Variants in AJAP1 observed in about 807,000 individuals in gnomAD.
AJAP1 encodes the protein adherens junction-associated protein 1.
AJAP1 carries 5 observed loss-of-function variants against 35.0 expected under a neutral mutation model. That is an observed-to-expected ratio of 0.14 (90% CI 0.07 to 0.30). The LOEUF (loss-of-function observed/expected upper bound fraction) is 0.30, where lower values mean the gene tolerates loss of function less well. Ranked by LOEUF, AJAP1 falls within the 10% of genes least tolerant of loss-of-function variation. The pLI is 1.00. For missense variants in AJAP1, 586 were observed against 571.0 expected, an observed-to-expected ratio of 1.03 and a Z score of -0.27; for synonymous variants, 284 against 249.3, an observed-to-expected ratio of 1.14 and a Z score of -1.31.
chr1:4,764,859 G>A (rs1024555004), intron 2 of AJAP1, among the ~76,000 whole-genome samples: 8 of 152,248 alleles, frequency 5.3e-5, no homozygotes, highest in African/African-American at 9.6e-5. Flanking sequence ...ACAATGGCCC[G>A]TATTTGATTC....
At chr1:4,750,320 C>A (rs1641293686) in intron 2 of AJAP1, among the ~76,000 whole-genome samples, 1 of 152,240 alleles carries the variant, frequency 6.6e-6, no homozygotes, top group South Asian at 2.1e-4. Context: ...ATACTTCTCG[C>A]TGCCAATGCT....
rs1640263846 is a variant in AJAP1 at position 4,712,149 on chromosome 1, G to A, written c.279G>A (p.Met93Ile). The A allele has an allele frequency of 1.3e-6, 2 of 1,564,454 alleles. No individual in the cohort carries two copies. The highest frequency in any genetic ancestry group is 1.7e-6 in the Non-Finnish European group (2 of 1,161,240). ...PPRVERIHGQ[M>I]QMPRARRAHR... ...GAGTGGAGCGGATCCACGGGCAGAT[G>A]CAGATGCCTCGAGCCAGACGGGCCC... The change falls in exon 2 of 6, where the codon ATG (methionine) becomes ATA (isoleucine). Residue 93 changes from methionine to isoleucine, a missense_variant. Met to Ile is a conservative substitution (Grantham distance 10, BLOSUM62 1). Coordinates refer to ENST00000378191, the MANE Select transcript of AJAP1 (RefSeq NM_018836.4).
chr1:4,663,786 A>C (rs1334533531), intron 1 of AJAP1, among the ~76,000 whole-genome samples: 1 of 152,096 alleles, frequency 6.6e-6, no homozygotes, highest in Non-Finnish European at 1.5e-5. Flanking sequence ...CTCTGTGTAG[A>C]GAAGGATTCT....
At chr1:4,683,265 C>A (rs1639528203) in intron 1 of AJAP1, among the ~76,000 whole-genome samples, 2 of 152,254 alleles carry the variant, frequency 1.3e-5, no homozygotes, top group African/African-American at 4.8e-5. Flanking sequence ...TGGCACTGGG[C>A]CTGCCCAGAG....
At chr1:4,728,590 T>C (rs1056657246) in intron 2 of AJAP1, among the ~76,000 whole-genome samples, 34 of 152,182 alleles carry the variant, frequency 2.2e-4, no homozygotes, top group Admixed American at 1.3e-4. Flanking sequence ...GAGTGGGCTG[T>C]GTCCGTGGGA....
chr1:4,748,215 C>A (rs1384915783), intron 2 of AJAP1, among the ~76,000 whole-genome samples: 1 of 152,138 alleles, frequency 6.6e-6, no homozygotes, highest in Non-Finnish European at 1.5e-5. Context: ...TTGACCCTCA[C>A]CCTGGAAGAG....
At position 4,655,526 on chromosome 1, in the gene AJAP1, T is replaced by C. The variant is rs1638858998; in HGVS notation, c.29+72T>C. 6.6e-6 allele frequency: 10 copies of C among 1,518,758 alleles called. No individual in the cohort carries two copies. The highest frequency in any genetic ancestry group is 4.3e-5 in the African/African-American group (3 of 69,496). The allele number at this position is 1,518,758 out of a possible 1,614,324, so 94.1% of individuals were successfully genotyped here. On this transcript the variant is annotated intron_variant, in intron 1 of 5. Transcript: ENST00000378191. The surrounding 1 kb of genome is among the most constrained non-coding windows in gnomAD (Gnocchi z 6.9). ...AGGCTGGGCGGAAGCGGCGCTTTCC[T>C]CTATGTTGCAAATCAAGGGACCCCT...
intron 1 of AJAP1, among the ~76,000 whole-genome samples, chr1:4,687,950 G>A (rs1455813016): frequency 2.6e-5 from 4 of 152,242 alleles, no homozygotes; most frequent in Non-Finnish European, 4.4e-5. Flanking sequence ...TGAGGAAGGG[G>A]CTGCAGTTCT....
intron 2 of AJAP1, among the ~76,000 whole-genome samples, chr1:4,757,317 A>G (rs746781126): frequency 5.9e-5 from 9 of 152,184 alleles, no homozygotes; most frequent in Non-Finnish European, 1.2e-4. Context: ...GCTCACTCAC[A>G]TGCCCCCGGG....
At chr1:4,667,392 C>T (rs573737245) in intron 1 of AJAP1, among the ~76,000 whole-genome samples, 5 of 152,324 alleles carry the variant, frequency 3.3e-5, no homozygotes, top group African/African-American at 1.2e-4. Flanking sequence ...GGGACCTTCT[C>T]ACCTTACAAC....
At chr1:4,738,143 G>T (rs556142308) in intron 2 of AJAP1, among the ~76,000 whole-genome samples, 1 of 152,182 alleles carries the variant, frequency 6.6e-6, no homozygotes, top group Non-Finnish European at 1.5e-5. Context: ...AGAGTAATGG[G>T]ACCCAAAGCC....
chr1:4,694,783 G>A (rs923532464), intron 1 of AJAP1, among the ~76,000 whole-genome samples: 1 of 152,212 alleles, frequency 6.6e-6, no homozygotes, highest in Non-Finnish European at 1.5e-5. Flanking sequence ...CCGGGGAGCC[G>A]AGCATGGGTA....
chr1:4,780,131 CAAAAAAAAAAA>C (rs545412869), intron 5 of AJAP1, among the ~76,000 whole-genome samples: 1 of 92,196 alleles, frequency 1.1e-5, no homozygotes, highest in African/African-American at 4.5e-5. Flanking sequence ...GTGACAGTCT[CAAAAAAAAAAA>C]AAAAAAAAAA....
In AJAP1 at chr1:4,772,261, C is replaced by T; in HGVS notation, c.918-19C>T. On this transcript the variant is annotated intron_variant, in intron 3 of 5. Coordinates refer to ENST00000378191, the MANE Select transcript of AJAP1 (RefSeq NM_018836.4). ...CCGGCCTCTGCCCGTCCCCCTACCC[C>T]AAACTCTTTCTCTTCCAGCTGTGCC... The T allele has an allele frequency of 1.2e-6, 2 of 1,613,518 alleles. No individual in the cohort carries two copies. Among genetic ancestry groups the T allele is most frequent in the South Asian group, 1.1e-5 (1 of 91,062 alleles).
At chr1:4,759,197 G>A (rs1168744615) in intron 2 of AJAP1, among the ~76,000 whole-genome samples, 1 of 152,170 alleles carries the variant, frequency 6.6e-6, no homozygotes, top group African/African-American at 2.4e-5. Context: ...GGTGTGCATA[G>A]ACCTGCTCCT....
chr1:4,724,149 C>T lies in AJAP1; in HGVS notation c.829+11450C>T, dbSNP rs139791649. 1.5e-3 allele frequency among the ~76,000 whole-genome samples: 232 copies of T among 152,306 alleles called. No homozygotes were observed. The Middle Eastern group carries it at 0.024, about 16-fold the overall frequency. On this transcript the variant is annotated intron_variant, in intron 2 of 5. Transcript: ENST00000378191. Reference sequence around the variant, plus strand: ...TCCCCAGGCTGGGGTGGACAAGGAGCAGGTGCACACAGAGGTCACGTGTGG... The same window carrying T: ...TCCCCAGGCTGGGGTGGACAAGGAGTAGGTGCACACAGAGGTCACGTGTGG...
chr1:4,723,910 C>T lies in AJAP1; in HGVS notation c.829+11211C>T, dbSNP rs1056321593. On this transcript the variant is annotated intron_variant, in intron 2 of 5. Coordinates refer to ENST00000378191, the MANE Select transcript of AJAP1 (RefSeq NM_018836.4). This position sits in a 1 kb window ranked among gnomAD's most constrained non-coding sequence, Gnocchi z 4.3. The stretch of plus-strand genomic sequence containing the variant: ...AACGGGGACAATACAGAAGCCAAGT[C>T]CTTAAGGGATGAGAACCAGCCTGAT... 6.6e-6 allele frequency among the ~76,000 whole-genome samples: 1 copy of T among 152,090 alleles called. No homozygotes were observed. The highest frequency in any genetic ancestry group is 2.4e-5 in the African/African-American group (1 of 41,416).
At chr1:4,768,188 C>G (rs554286140) in intron 2 of AJAP1, among the ~76,000 whole-genome samples, 1 of 152,210 alleles carries the variant, frequency 6.6e-6, no homozygotes, top group South Asian at 2.1e-4. Flanking sequence ...GGCATCGGAG[C>G]AGCTGTTGCC....
intron 1 of AJAP1, among the ~76,000 whole-genome samples, chr1:4,667,115 T>C (rs1026782730): frequency 5.9e-5 from 9 of 152,188 alleles, no homozygotes; most frequent in African/African-American, 1.9e-4. Flanking sequence ...GAGGCAGCCC[T>C]CTGGGGCTGT....
Sources: gnomAD v4.1 joint callset for allele counts (sites outside exome capture counted in the v4.1 genomes callset) on GRCh38, gnomAD v4.1.1 for gene constraint, Gnocchi (gnomAD v3.1) non-coding constraint, MANE v1.5 for transcripts, NCBI Gene and HGNC (gene_info 2026-07-23, HGNC 2026-07-21) for gene names.